The following FAS variants were observed in gnomAD, a reference collection of about 807,000 sequenced individuals.
FAS encodes Fas cell surface death receptor, also known as tumor necrosis factor receptor superfamily member 6.
A neutral mutation model predicts 33.2 loss-of-function variants in FAS; 5 were observed. The observed-to-expected ratio is 0.15, with a 90% CI of 0.08 to 0.32. The LOEUF is 0.32. Among genes scored for constraint, FAS ranks in the 10% least tolerant of loss-of-function variants. FAS has a pLI of 1.00. For synonymous variants in FAS, 131 were observed against 130.7 expected (o/e 1.00, Z -0.01); for missense variants, 339 against 386.0 (o/e 0.88, Z 1.02).
chr10:89,002,921 C>A, intron 1 of FAS, 108 bp from the exon 2 acceptor site: 2 of 1,163,248 alleles, frequency 1.7e-6, no homozygotes, highest in Non-Finnish European at 2.5e-6. Flanking sequence ...CTCACATTGT[C>A]TTTGCCTGTG....
rs949958166 is a variant in FAS at position 89,009,930 on chromosome 10, C to A, written c.444-609C>A. On this transcript the variant is annotated intron_variant, in intron 4 of 8. Coordinates refer to ENST00000652046, the MANE Select transcript of FAS (RefSeq NM_000043.6). ...TCCATGTTATTGATGAGATAAAAGGCTCATGGCAGTGTGACTTCCCAAGCT... is the reference window on the plus strand; with the variant it reads ...TCCATGTTATTGATGAGATAAAAGGATCATGGCAGTGTGACTTCCCAAGCT... Among the ~76,000 whole-genome samples, 7 of 152,268 alleles carry A rather than the reference C, an allele frequency of 4.6e-5. No homozygotes were observed. In the East Asian group the frequency reaches 1.2e-3, roughly 25 times the overall value.
At chr10:89,011,012 A>G (rs1423903748) in intron 6 of FAS, 197 bp downstream of exon 6, 1 of 663,854 alleles carries the variant, frequency 1.5e-6, no homozygotes, top group East Asian at 2.7e-5. Context: ...TCTGAGCAAC[A>G]GTTTTGGGGC....
intron 2 of FAS, chr10:88,973,368 C>A: frequency 6.9e-7 from 1 of 1,448,380 alleles, no homozygotes; most frequent in Non-Finnish European, 9.1e-7. Flanking sequence ...AATTGCCAGG[C>A]GAACAATTGT....
upstream of FAS, among the ~76,000 whole-genome samples, chr10:88,983,988 T>C (rs1589428883): frequency 6.6e-6 from 1 of 152,084 alleles, no homozygotes; most frequent in Admixed American, 6.5e-5. Flanking sequence ...AAAAACTCTT[T>C]AGATGCATGC....
chr10:89,001,768 T>C (rs1027032916), intron 1 of FAS, among the ~76,000 whole-genome samples: 3 of 152,202 alleles, frequency 2.0e-5, no homozygotes, highest in Admixed American at 6.5e-5. Flanking sequence ...ATTTCATGTG[T>C]CCCTGTTTCT....
At chr10:88,980,322 G>A (rs1461067307) in intron 2 of FAS, among the ~76,000 whole-genome samples, 1 of 152,160 alleles carries the variant, frequency 6.6e-6, no homozygotes, top group Non-Finnish European at 1.5e-5. Context: ...TTGAAGCTAG[G>A]GGACCTGAGG....
chr10:89,009,585 A>G (rs1020144891), intron 4 of FAS, among the ~76,000 whole-genome samples: 28 of 152,222 alleles, frequency 1.8e-4, no homozygotes, highest in African/African-American at 6.5e-4. Flanking sequence ...CTTTTAGGCT[A>G]AAGAGGTTGG....
At position 89,014,836 on chromosome 10, in the gene FAS, A is replaced by G. The variant is rs1186205053; in HGVS notation, c.*386A>G. The stretch of plus-strand genomic sequence containing the variant: ...ACTCTATGAATCAATAGAAGAAGCT[A>G]TGACCTTTTGCTGAAATATCAGTTA... On this transcript the variant is annotated 3_prime_UTR_variant, in exon 9 of 9. Coordinates refer to ENST00000652046, the MANE Select transcript of FAS (RefSeq NM_000043.6). 1.3e-5 allele frequency: 7 copies of G among 541,824 alleles called. No homozygotes were observed. In the East Asian group the frequency reaches 2.7e-4, roughly 21 times the overall value. 33.6% of individuals were successfully genotyped at this position (541,824 alleles called of 1,614,324 possible). A position where few individuals can be genotyped will look rare whatever the true frequency, so the allele number is the denominator to read the frequency against.
intron 1 of FAS, among the ~76,000 whole-genome samples, chr10:89,001,821 T>C (rs1344838746): frequency 1.3e-5 from 2 of 152,214 alleles, no homozygotes; most frequent in African/African-American, 2.4e-5. Flanking sequence ...TAGCTTAGGA[T>C]GACTTCCAGC....
At chr10:88,976,840 A>T (rs1358331230) in intron 2 of FAS, among the ~76,000 whole-genome samples, 2 of 152,220 alleles carry the variant, frequency 1.3e-5, no homozygotes, top group Admixed American at 1.3e-4. Context: ...AATTGAATAA[A>T]ATAATTCTTT....
At chr10:88,975,660 TG>T (rs1488212416) in intron 2 of FAS, among the ~76,000 whole-genome samples, 1 of 152,048 alleles carries the variant, frequency 6.6e-6, no homozygotes, top group Non-Finnish European at 1.5e-5. Context: ...TTTTCAATGT[TG>T]GTCAATGCTG....
chr10:88,981,650 G>C (rs144237150), intron 2 of FAS, among the ~76,000 whole-genome samples: 2 of 152,136 alleles, frequency 1.3e-5, no homozygotes, highest in Non-Finnish European at 2.9e-5. Context: ...AGTGGGAGAC[G>C]CATCATATCC....
At chr10:89,011,324 T>A (rs1848517829) in intron 6 of FAS, among the ~76,000 whole-genome samples, 1 of 152,184 alleles carries the variant, frequency 6.6e-6, no homozygotes, top group Non-Finnish European at 1.5e-5. Flanking sequence ...AAGCCAAAAT[T>A]AGATATTATC....
intron 2 of FAS, 116 bp from the exon 3 acceptor site, chr10:89,007,584 A>G: frequency 8.3e-7 from 1 of 1,204,672 alleles, no homozygotes; most frequent in Non-Finnish European, 1.2e-6. Flanking sequence ...TCATTAGCCT[A>G]CCCCCCCTCC....
chr10:88,991,731 C>T (rs1317164932), intron 1 of FAS: 1 of 152,246 alleles, frequency 6.6e-6, no homozygotes, highest in Non-Finnish European at 1.5e-5. Flanking sequence ...TCTGCTTGGT[C>T]TCCTGCTGGG....
chr10:88,993,590 G>C (rs962582177), intron 1 of FAS, among the ~76,000 whole-genome samples: 1 of 152,206 alleles, frequency 6.6e-6, no homozygotes, highest in Non-Finnish European at 1.5e-5. Context: ...AAAGGAAAGG[G>C]AGAGGGCCTT....
intron 1 of FAS, among the ~76,000 whole-genome samples, chr10:88,995,330 G>A (rs1473613980): frequency 8.5e-5 from 13 of 152,160 alleles, no homozygotes. Context: ...ATTGACTTTT[G>A]TAAGATTGGT....
At chr10:88,972,358 T>A (rs193079109) in intron 1 of FAS, among the ~76,000 whole-genome samples, 1 of 152,230 alleles carries the variant, frequency 6.6e-6, no homozygotes, top group Non-Finnish European at 1.5e-5. Context: ...GTAATAGTAA[T>A]TGATGTCACA....
chr10:88,991,163 A>T, intron 1 of FAS: 1 of 591,012 alleles, frequency 1.7e-6, no homozygotes. Flanking sequence ...CCCGCTGGGC[A>T]GGCGGGGCAG....
Sources: gnomAD v4.1 joint callset for allele counts (sites outside exome capture counted in the v4.1 genomes callset) on GRCh38, gnomAD v4.1.1 for gene constraint, MANE v1.5 for transcripts, NCBI Gene and HGNC (gene_info 2026-07-23, HGNC 2026-07-21) for gene names.